Variants in ST3GAL3 observed in about 807,000 individuals in gnomAD.
The protein encoded by ST3GAL3 is ST3 beta-galactoside alpha-2,3-sialyltransferase 3.
A neutral mutation model predicts 50.1 loss-of-function variants in ST3GAL3; 21 were observed. The observed-to-expected ratio is 0.42, with a 90% confidence interval of 0.30 to 0.60. The LOEUF (loss-of-function observed/expected upper bound fraction) is 0.60. Among genes scored for constraint, ST3GAL3 ranks in the 20% least tolerant of loss-of-function variants. ST3GAL3 has a pLI of 0.19. For missense variants in ST3GAL3, 353 were observed against 489.4 expected (o/e 0.72, Z 2.63); for synonymous variants, 183 against 190.0 (o/e 0.96, Z 0.30).
At chr1:43,747,731 C>G (rs1454741565) in intron 2 of ST3GAL3, among the ~76,000 whole-genome samples, 2 of 151,826 alleles carry the variant, frequency 1.3e-5, no homozygotes, top group Admixed American at 6.6e-5. Context: ...CAGGCGCCCA[C>G]CACCACCTCT....
intron 4 of ST3GAL3, among the ~76,000 whole-genome samples, chr1:43,822,192 C>T (rs1052798624): frequency 2.0e-5 from 3 of 152,242 alleles, no homozygotes; most frequent in African/African-American, 7.2e-5. Flanking sequence ...TATGACACAA[C>T]GAGCCAGGAA....
At chr1:43,770,285 T>G (rs1263956181) in intron 2 of ST3GAL3, among the ~76,000 whole-genome samples, 21 of 112,230 alleles carry the variant, frequency 1.9e-4, no homozygotes, top group African/African-American at 2.8e-4. Flanking sequence ...GAGAGGGGAA[T>G]GAGTAGGGGA....
chr1:43,921,737 T>A (rs933344729), intron 11 of ST3GAL3: 1 of 398,804 alleles, frequency 2.5e-6, no homozygotes, highest in African/African-American at 2.1e-5. Context: ...GAGCCTTCCA[T>A]GCCCCAAAAG....
intron 5 of ST3GAL3, among the ~76,000 whole-genome samples, chr1:43,875,897 C>CTCTTCTTCTTCT (rs66500354): frequency 7.5e-6 from 1 of 134,026 alleles, no homozygotes; most frequent in Admixed American, 7.7e-5. Flanking sequence ...TTTAGAATTT[C>CTCTTCTTCTTCT]TCTTCTTCTT....
At chr1:43,851,308 T>G in intron 5 of ST3GAL3, 2 of 1,544,054 alleles carry the variant, frequency 1.3e-6, no homozygotes, top group Non-Finnish European at 1.8e-6. Flanking sequence ...GACCCCCATC[T>G]GGCAGGTCCA....
At chr1:43,781,253 G>T (rs1699267642) in intron 2 of ST3GAL3, among the ~76,000 whole-genome samples, 1 of 152,136 alleles carries the variant, frequency 6.6e-6, no homozygotes, top group Non-Finnish European at 1.5e-5. Context: ...AGCAAACTGT[G>T]GTTCCTATGC....
chr1:43,838,448 A>G, intron 5 of ST3GAL3, 137 bp downstream of exon 5: 1 of 824,184 alleles, frequency 1.2e-6, no homozygotes, highest in South Asian at 1.4e-5. Context: ...TCTGCCTTTA[A>G]GTTGGTTCCT....
chr1:43,879,436 A>G (rs1047116734), intron 5 of ST3GAL3: 2 of 456,210 alleles, frequency 4.4e-6, no homozygotes, highest in African/African-American at 4.0e-5. Flanking sequence ...AGACAAGAGC[A>G]GAAGCTGCAC....
intron 2 of ST3GAL3, chr1:43,739,001 T>C: frequency 6.6e-6 from 1 of 152,234 alleles, no homozygotes; most frequent in East Asian, 1.9e-4. Context: ...TAGTTTTTAT[T>C]GGTTATTATT....
intron 2 of ST3GAL3, among the ~76,000 whole-genome samples, chr1:43,753,943 A>G (rs531085416): frequency 6.6e-6 from 1 of 152,266 alleles, no homozygotes; most frequent in African/African-American, 2.4e-5. Context: ...CAGGTAACTT[A>G]CTGTCTCCTC....
intron 5 of ST3GAL3, among the ~76,000 whole-genome samples, chr1:43,885,434 G>A (rs1382648272): frequency 3.9e-5 from 6 of 151,928 alleles, no homozygotes; most frequent in Admixed American, 1.3e-4. Context: ...AGGCTGCCTC[G>A]CGTGCCGGGG....
chr1:43,817,074 G>T (rs1040291178), intron 4 of ST3GAL3, among the ~76,000 whole-genome samples: 1 of 152,210 alleles, frequency 6.6e-6, no homozygotes, highest in African/African-American at 2.4e-5. Context: ...TGAGGTATAG[G>T]AAAGGACCTG....
intron 1 of ST3GAL3, among the ~76,000 whole-genome samples, chr1:43,726,814 G>A (rs902257836): frequency 4.6e-5 from 7 of 152,032 alleles, no homozygotes; most frequent in Non-Finnish European, 8.8e-5. Flanking sequence ...GGCTGGTCTC[G>A]AACTCCTGAC....
intron 2 of ST3GAL3, among the ~76,000 whole-genome samples, chr1:43,765,795 G>A (rs1034086420): frequency 6.8e-6 from 1 of 146,604 alleles, no homozygotes; most frequent in African/African-American, 2.7e-5. Flanking sequence ...GCGCGCGCGC[G>A]CGCGCGTCCG....
chr1:43,785,415 T>A (rs1306012609), intron 2 of ST3GAL3, among the ~76,000 whole-genome samples: 1 of 152,018 alleles, frequency 6.6e-6, no homozygotes, highest in African/African-American at 2.4e-5. Flanking sequence ...GAAGGTGAGG[T>A]GAGGCCGCTC....
At chr1:43,923,263 CAAAAA>C (rs35151641) in intron 11 of ST3GAL3, among the ~76,000 whole-genome samples, 10 of 120,300 alleles carry the variant, frequency 8.3e-5, no homozygotes, top group East Asian at 7.4e-4. Flanking sequence ...GACCCTGTCT[CAAAAA>C]AAAAAAAAAA....
Position 43,929,578 on chromosome 1 carries a change from G to A in ST3GAL3, c.1039-554G>A, listed in dbSNP as rs755476949. ...GGCCTCCCAAAGTGCTGGGATTACA[G>A]GCGTGAGCCACCGCGCCTGGCCTAT... is the stretch of plus-strand genomic sequence containing the variant. On this transcript the variant is annotated intron_variant, in intron 11 of 11. Transcript: ENST00000347631. 7.0e-4 allele frequency among the ~76,000 whole-genome samples: 106 copies of A among 152,334 alleles called. 1 individual carries two copies. Among genetic ancestry groups the A allele is most frequent in the Admixed American group, 3.9e-4 (6 of 15,308 alleles).
intron 5 of ST3GAL3, among the ~76,000 whole-genome samples, chr1:43,866,776 A>G (rs902429134): frequency 2.6e-5 from 4 of 152,076 alleles, no homozygotes; most frequent in Non-Finnish European, 5.9e-5. Context: ...AGTAATCTAG[A>G]GCAAGATCAT....
At chr1:43,846,619 C>T (rs2066295809) in intron 5 of ST3GAL3, among the ~76,000 whole-genome samples, 1 of 152,140 alleles carries the variant, frequency 6.6e-6, no homozygotes, top group Non-Finnish European at 1.5e-5. Flanking sequence ...CCACCTCAGC[C>T]TCTCAAGTAG....
Sources: allele counts gnomAD v4.1 joint callset (sites outside exome capture counted in the v4.1 genomes callset), GRCh38; gene constraint gnomAD v4.1.1; transcripts MANE v1.5; gene names NCBI Gene and HGNC (gene_info 2026-07-23, HGNC 2026-07-21).